Variants in CNTN6 observed in about 807,000 individuals in gnomAD.
CNTN6 encodes the protein contactin-6.
In CNTN6, 137 loss-of-function variants were observed where a neutral mutation model predicts 122.8. The ratio of observed to expected loss-of-function variants is 1.12; its 90% CI spans 0.97 to 1.29. CNTN6 has a LOEUF of 1.29. Ranked by LOEUF, CNTN6 falls within the 50% of genes most tolerant of loss-of-function variation. The probability of loss-of-function intolerance (pLI) is 0.00; values close to 1 mark genes in which losing one functional copy is unlikely to be tolerated. For synonymous variants in CNTN6, 570 were observed against 426.0 expected, an observed-to-expected ratio of 1.34 and a Z score of -4.16; for missense variants, 1,634 against 1,223.4, an observed-to-expected ratio of 1.34 and a Z score of -5.01.
intron 12 of CNTN6, among the ~76,000 whole-genome samples, chr3:1,357,437 T>A (rs1214412665): frequency 6.6e-6 from 1 of 151,948 alleles, no homozygotes; most frequent in Non-Finnish European, 1.5e-5. Flanking sequence ...ACATTCTCTG[T>A]CCTAGGCACC....
At chr3:1,267,720 A>C (rs555054715) in intron 4 of CNTN6, among the ~76,000 whole-genome samples, 1 of 152,316 alleles carries the variant, frequency 6.6e-6, no homozygotes, top group Non-Finnish European at 1.5e-5. Flanking sequence ...TATTTATAAA[A>C]ATTAACAAGT....
At chr3:1,100,665 C>A (rs1465701299) in intron 1 of CNTN6, among the ~76,000 whole-genome samples, 2 of 152,042 alleles carry the variant, frequency 1.3e-5, no homozygotes, top group Non-Finnish European at 2.9e-5. Flanking sequence ...CTTTGCATTT[C>A]TTTCATTTTC....
Position 1,239,225 on chromosome 3 carries a change from A to G in CNTN6, c.358+11232A>G, listed in dbSNP as rs114765924. 4.7e-3 allele frequency among the ~76,000 whole-genome samples: 710 copies of G among 152,288 alleles called. 7 individuals carry two copies. The highest frequency in any genetic ancestry group is 0.016 in the African/African-American group (681 of 41,556). On this transcript the variant is annotated intron_variant, in intron 4 of 22. Coordinates refer to ENST00000446702, the MANE Select transcript of CNTN6 (RefSeq NM_001289080.2). The stretch of plus-strand genomic sequence containing the variant: ...GTCCAAATTGATAAAAAAGAAGTCA[A>G]ACTGTCTCTGTTTGCTGACGTTACG...
intron 4 of CNTN6, among the ~76,000 whole-genome samples, chr3:1,251,007 A>T (rs2094658072): frequency 6.6e-6 from 1 of 152,096 alleles, no homozygotes; most frequent in African/African-American, 2.4e-5. Context: ...CTTTGTTGCA[A>T]TCATATTCTC....
At chr3:1,359,505 A>C (rs1337500716) in intron 12 of CNTN6, among the ~76,000 whole-genome samples, 1 of 152,088 alleles carries the variant, frequency 6.6e-6, no homozygotes, top group African/African-American at 2.4e-5. Context: ...TAAATGTTGA[A>C]GTAGTAAATA....
In CNTN6 at chr3:1,373,593, T is replaced by A. The variant is rs772126051; in HGVS notation, c.1787-11T>A. The stretch of plus-strand genomic sequence containing the variant: ...TCTCCAATGGAGTCATGATAAAACA[T>A]TTTTTTCAAGGTCCACCAGGTCCTC... On this transcript the variant is annotated splice_polypyrimidine_tract_variant and intron_variant, in intron 14 of 22. Coordinates refer to ENST00000446702, the MANE Select transcript of CNTN6 (RefSeq NM_001289080.2). 1.1e-4 allele frequency: 172 copies of A among 1,607,956 alleles called. 4 individuals carry two copies. The South Asian group carries it at 1.8e-3, about 17-fold the overall frequency.
Position 1,325,800 on chromosome 3 carries a change from G to A in CNTN6, c.947-15G>A. The A allele has an allele frequency of 1.2e-6, 2 of 1,608,726 alleles. No individual in the cohort carries two copies. Among genetic ancestry groups the A allele is most frequent in the Non-Finnish European group, 1.7e-6 (2 of 1,177,198 alleles). ...TGCCTTTTACCAAACAGTGGCACTT[G>A]CCTTTTTGAAACAGCTCCTCCAGAA... is the stretch of plus-strand genomic sequence containing the variant. On this transcript the variant is annotated splice_polypyrimidine_tract_variant and intron_variant, in intron 8 of 22. Coordinates refer to ENST00000446702, the MANE Select transcript of CNTN6 (RefSeq NM_001289080.2).
chr3:1,399,841 C>A (rs1695459709), intron 20 of CNTN6, among the ~76,000 whole-genome samples: 1 of 152,192 alleles, frequency 6.6e-6, no homozygotes, highest in South Asian at 2.1e-4. Flanking sequence ...TAAACAAACA[C>A]ATAACCAAGA....
chr3:1,257,482 G>A (rs1379406784), intron 4 of CNTN6, among the ~76,000 whole-genome samples: 1 of 151,926 alleles, frequency 6.6e-6, no homozygotes, highest in Non-Finnish European at 1.5e-5. Flanking sequence ...ATTCCTTCGA[G>A]GCCTTCGATT....
intron 20 of CNTN6, among the ~76,000 whole-genome samples, chr3:1,400,242 ATCTC>A (rs772470147): frequency 3.3e-5 from 5 of 152,062 alleles, no homozygotes; most frequent in Non-Finnish European, 7.4e-5. Flanking sequence ...ATTATTTTAT[ATCTC>A]TCCAGTTTCA....
intron 12 of CNTN6, among the ~76,000 whole-genome samples, chr3:1,354,418 T>A (rs1227000547): frequency 6.6e-6 from 1 of 151,214 alleles, no homozygotes; most frequent in Non-Finnish European, 1.5e-5. Context: ...TCATTTCTAG[T>A]GCTCTTTGCT....
chr3:1,227,360 C>T (rs1412484731), intron 3 of CNTN6, among the ~76,000 whole-genome samples: 1 of 152,154 alleles, frequency 6.6e-6, no homozygotes, highest in Non-Finnish European at 1.5e-5. Flanking sequence ...GTTTTGTTAT[C>T]AGCCCTGAAT....
intron 4 of CNTN6, among the ~76,000 whole-genome samples, chr3:1,273,577 C>T (rs1422040397): frequency 6.6e-6 from 1 of 152,178 alleles, no homozygotes; most frequent in East Asian, 1.9e-4. Context: ...AGCATATCCA[C>T]ATGAGATGGT....
chr3:1,289,676 G>GTT (rs11438242), intron 5 of CNTN6, among the ~76,000 whole-genome samples: 5,504 of 137,630 alleles, frequency 0.04, 346 homozygotes, highest in African/African-American at 0.13. Flanking sequence ...GTTTTTTTGG[G>GTT]TTTTTTTTTT....
intron 2 of CNTN6, among the ~76,000 whole-genome samples, chr3:1,160,785 A>G (rs2093115483): frequency 6.6e-6 from 1 of 152,050 alleles, no homozygotes; most frequent in Non-Finnish European, 1.5e-5. Context: ...TTACCGACAT[A>G]TTTAGCCAGG....
intron 11 of CNTN6, among the ~76,000 whole-genome samples, chr3:1,347,057 A>G (rs2126058102): frequency 6.6e-6 from 1 of 152,250 alleles, no homozygotes; most frequent in Non-Finnish European, 1.5e-5. Context: ...AAATATTTAT[A>G]CGTTATTGGC....
chr3:1,103,103 C>A (rs865967204), intron 1 of CNTN6, among the ~76,000 whole-genome samples: 5 of 151,844 alleles, frequency 3.3e-5, no homozygotes, highest in South Asian at 2.1e-4. Context: ...CAGACTCCGT[C>A]TCAAAAAATA....
chr3:1,325,310 A>C (rs1372165825), intron 8 of CNTN6, among the ~76,000 whole-genome samples: 1 of 151,802 alleles, frequency 6.6e-6, no homozygotes, highest in East Asian at 1.9e-4. Flanking sequence ...AGAATACTGG[A>C]TTATCTTTCT....
rs1214943674 is a variant in CNTN6, at chr3:1,137,628, GA to G, written c.-82-10292del. Reference sequence around the variant, plus strand: ...GTCAGAGAGAACTAAGCATCTCATGGAAAAAAACATTACACTTTGTATGTAC... The same window carrying G: ...GTCAGAGAGAACTAAGCATCTCATGGAAAAAACATTACACTTTGTATGTAC... On this transcript the variant is annotated intron_variant, in intron 1 of 22. Coordinates refer to ENST00000446702, the MANE Select transcript of CNTN6 (RefSeq NM_001289080.2). 7.2e-5 allele frequency among the ~76,000 whole-genome samples: 11 copies of G among 152,026 alleles called. No individual in the cohort carries two copies. In the South Asian group the frequency reaches 2.3e-3, roughly 32 times the overall value.
Sources: gnomAD v4.1 joint callset for allele counts (sites outside exome capture counted in the v4.1 genomes callset) on GRCh38, gnomAD v4.1.1 for gene constraint, MANE v1.5 for transcripts, NCBI Gene and HGNC (gene_info 2026-07-23, HGNC 2026-07-21) for gene names.